The following CCDC102A variants were observed in gnomAD, a reference collection of about 807,000 sequenced individuals.
CCDC102A encodes coiled-coil domain containing 102A.
In CCDC102A, 40 loss-of-function variants were observed where a neutral mutation model predicts 55.5. The ratio of observed to expected loss-of-function variants is 0.72; its 90% CI spans 0.56 to 0.94. CCDC102A has a LOEUF of 0.94. Ranked by LOEUF, CCDC102A falls within the 40% of genes least tolerant of loss-of-function variation. The pLI is 0.00. For missense variants in CCDC102A, 779 were observed against 768.6 expected (o/e 1.01, Z -0.16); for synonymous variants, 323 against 339.0 (o/e 0.95, Z 0.52).
At chr16:57,518,328 G>C (rs760220406) in intron 5 of CCDC102A, 51 bp from the exon 6 acceptor site, 16 of 1,533,008 alleles carry the variant, frequency 1.0e-5, no homozygotes, top group Non-Finnish European at 1.3e-5. Flanking sequence ...GGGCATGCAG[G>C]GCCTGAGCTG....
At chr16:57,526,417 G>A (rs982604275) in intron 2 of CCDC102A, among the ~76,000 whole-genome samples, 1 of 152,174 alleles carries the variant, frequency 6.6e-6, no homozygotes, top group East Asian at 1.9e-4. Context: ...AACCTACGGC[G>A]GGGCACCGAT....
Position 57,518,286 on chromosome 16 carries a change from G to C in CCDC102A, c.1039-9C>G, listed in dbSNP as rs1318602655. On this transcript the variant is annotated splice_polypyrimidine_tract_variant and intron_variant, in intron 5 of 8. Coordinates refer to ENST00000258214, the MANE Select transcript of CCDC102A (RefSeq NM_033212.4). ...GCCTGCAGCCGCTCCATCTGCAGCA[G>C]GGCAGGGCAGAGTGAGGACTCCCAG... 1 of 1,605,852 alleles carries C rather than the reference G, an allele frequency of 6.2e-7. No individual in the cohort carries two copies. Among genetic ancestry groups the C allele is most frequent in the East Asian group, 2.2e-5 (1 of 44,894 alleles).
chr16:57,531,225 C>T (rs770989689), intron 1 of CCDC102A, among the ~76,000 whole-genome samples: 6 of 152,018 alleles, frequency 3.9e-5, no homozygotes, highest in Non-Finnish European at 7.4e-5. Context: ...CTTGCTGCCT[C>T]CATTCCCCCC....
chr16:57,517,954 A>C (rs1410813066), intron 6 of CCDC102A, 114 bp downstream of exon 6: 1 of 1,205,320 alleles, frequency 8.3e-7, no homozygotes, highest in African/African-American at 1.5e-5. Flanking sequence ...CAAGGTGCTG[A>C]ATACATGCAG....
intron 4 of CCDC102A, 62 bp from the exon 5 acceptor site, chr16:57,518,803 C>CG: frequency 1.5e-6 from 2 of 1,328,092 alleles, no homozygotes; most frequent in Non-Finnish European, 1.1e-6. Context: ...GAACCACCTC[C>CG]GGGGGTGGGC....
At chr16:57,527,256 C>A (rs1372516770) in intron 2 of CCDC102A, among the ~76,000 whole-genome samples, 1 of 152,160 alleles carries the variant, frequency 6.6e-6, no homozygotes, top group Non-Finnish European at 1.5e-5. Context: ...GACCCTGCCC[C>A]TAGGTGGCTT....
At chr16:57,521,226 G>A in intron 3 of CCDC102A, 50 bp from the exon 4 acceptor site, 1 of 1,422,622 alleles carries the variant, frequency 7.0e-7, no homozygotes, top group Admixed American at 1.7e-5. Flanking sequence ...CCTCTGCTTG[G>A]AGTCCTCACC....
rs2031941345 is a variant in CCDC102A at position 57,515,525 on chromosome 16, C to A, written c.1420-81G>T. On this transcript the variant is annotated intron_variant, in intron 7 of 8. Coordinates refer to ENST00000258214, the MANE Select transcript of CCDC102A (RefSeq NM_033212.4). ...GGCCACCCGCCCAGGGAAAACCACT[C>A]CTGCTGTTCCCTGGGAAGGTGCTCC... The A allele has an allele frequency of 2.5e-6, 2 of 802,846 alleles. 1 individual carries two copies. The highest frequency in any genetic ancestry group is 4.0e-5 in the Admixed American group (2 of 50,098). 49.7% of individuals were successfully genotyped at this position (802,846 alleles called of 1,614,324 possible).
intron 1 of CCDC102A, among the ~76,000 whole-genome samples, chr16:57,533,143 TCTC>T (rs1476895293): frequency 6.6e-6 from 1 of 151,944 alleles, no homozygotes; most frequent in Non-Finnish European, 1.5e-5. Context: ...CTCACCTCAT[TCTC>T]CTTCCCAGCG....
At chr16:57,520,671 T>C (rs963240209) in intron 4 of CCDC102A, among the ~76,000 whole-genome samples, 7 of 151,758 alleles carry the variant, frequency 4.6e-5, no homozygotes, top group African/African-American at 1.5e-4. Flanking sequence ...CCAGGCACTG[T>C]GGCTTACACC....
chr16:57,518,624 C>A lies in CCDC102A; in HGVS notation c.1038+1G>T. 1 of 1,612,648 alleles carries A rather than the reference C, an allele frequency of 6.2e-7. No individual in the cohort carries two copies. Among genetic ancestry groups the A allele is most frequent in the East Asian group, 2.2e-5 (1 of 44,864 alleles). ...CTCCTGGGTCCCATCCATGGCCTCA[C>A]CTCGCCCCTCAGCTCGGCCATTTTC... is the stretch of plus-strand genomic sequence containing the variant. On this transcript the variant is annotated splice_donor_variant, in intron 5 of 8. Coordinates refer to ENST00000258214, the MANE Select transcript of CCDC102A (RefSeq NM_033212.4). LOFTEE classifies it high-confidence loss of function.
Position 57,528,866 on chromosome 16 carries a change from C to A in CCDC102A, c.312G>T (p.Trp104Cys). Residue 104 changes from tryptophan (W) to cysteine (C), a missense_variant, in exon 2 of 9, where the codon TGG (tryptophan) becomes TGT (cysteine). Trp to Cys is a radical substitution (Grantham distance 215). Transcript: ENST00000258214. ...CGCGCACCTTGCTCCATTTCTCGCGCCAATTGGCAGTGCAGTCCGACCACC... is the reference window on the plus strand; with the variant it reads ...CGCGCACCTTGCTCCATTTCTCGCGACAATTGGCAGTGCAGTCCGACCACC... ...MRRWSDCTAN[W>C]REKWSKVRAE... 1.5e-6 allele frequency: 2 copies of A among 1,361,534 alleles called. No individual in the cohort carries two copies. Among genetic ancestry groups the A allele is most frequent in the Non-Finnish European group, 9.5e-7 (1 of 1,049,496 alleles). The allele number at this position is 1,361,534 out of a possible 1,614,324, so 84.3% of individuals were successfully genotyped here. A position where few individuals can be genotyped will look rare whatever the true frequency, so the allele number is the denominator to read the frequency against.
At chr16:57,534,120 G>A (rs2032327162) in intron 1 of CCDC102A, among the ~76,000 whole-genome samples, 1 of 152,142 alleles carries the variant, frequency 6.6e-6, no homozygotes, top group Non-Finnish European at 1.5e-5. Flanking sequence ...TTCAAGTTCA[G>A]CTGCCACCAA....
At chr16:57,535,149 G>A (rs1160745676) in intron 1 of CCDC102A, among the ~76,000 whole-genome samples, 1 of 152,236 alleles carries the variant, frequency 6.6e-6, no homozygotes, top group East Asian at 1.9e-4. Context: ...GATTGAATAA[G>A]TGCAGGGCCC....
chr16:57,514,602 G>C (rs1206823876), intron 8 of CCDC102A, among the ~76,000 whole-genome samples: 1 of 152,206 alleles, frequency 6.6e-6, no homozygotes, highest in Non-Finnish European at 1.5e-5. Context: ...GACACAGAGA[G>C]GTTAAATAAA....
At position 57,516,634 on chromosome 16, in the gene CCDC102A, G is replaced by A; in HGVS notation, c.1249-171C>T. 1.6e-6 allele frequency: 1 copy of A among 637,636 alleles called. No individual in the cohort carries two copies. Among genetic ancestry groups the A allele is most frequent in the South Asian group, 1.9e-5 (1 of 52,584 alleles). The allele number at this position is 637,636 out of a possible 1,614,324, so 39.5% of individuals were successfully genotyped here. ...TCAGCAGTAGAGGTTTGGCTGAGCA[G>A]CCAGAGGCTGGAGGTGCCTTCCAGG... On this transcript the variant is annotated intron_variant, in intron 6 of 8. Coordinates refer to ENST00000258214, the MANE Select transcript of CCDC102A (RefSeq NM_033212.4). The surrounding 1 kb of genome is among the most constrained non-coding windows in gnomAD (Gnocchi z 4.4).
In CCDC102A at chr16:57,528,745, C is replaced by G; in HGVS notation, c.433G>C (p.Glu145Gln). The stretch of plus-strand genomic sequence containing the variant: ...CGTGCCTCGCACTCGCCCTGCGCCT[C>G]TTGGCGCTCGCGCCGTGCGCCCGCC... ...ELAGARRERQ[E>Q]AQGECEARGR... Residue 145 changes from glutamate to glutamine, a missense_variant, in exon 2 of 9, where the codon GAG (glutamate) becomes CAG (glutamine). Glu to Gln is a conservative substitution (Grantham distance 29, BLOSUM62 2). Transcript: ENST00000258214. 8.5e-7 allele frequency: 1 copy of G among 1,175,114 alleles called. No individual in the cohort carries two copies. The highest frequency in any genetic ancestry group is 1.1e-6 in the Non-Finnish European group (1 of 943,246). The allele number at this position is 1,175,114 out of a possible 1,614,324, so 72.8% of individuals were successfully genotyped here.
At chr16:57,527,451 C>T (rs1392876464) in intron 2 of CCDC102A, among the ~76,000 whole-genome samples, 1 of 143,904 alleles carries the variant, frequency 6.9e-6, no homozygotes. Flanking sequence ...TGGAGATTCA[C>T]TCTCGTTGCC....
rs757712416 is a variant in CCDC102A, at chr16:57,518,132, TGCC to T, written c.1181_1183del (p.Arg394del). The T allele has an allele frequency of 1.1e-5, 17 of 1,609,994 alleles. No homozygotes were observed. The highest frequency in any genetic ancestry group is 8.5e-6 in the Non-Finnish European group (10 of 1,179,674). On this transcript the variant is annotated inframe_deletion, in exon 6 of 9. Coordinates refer to ENST00000258214, the MANE Select transcript of CCDC102A (RefSeq NM_033212.4). ...GTCGCAGTCCAGTGCGCTGGCTGTT[TGCC>T]GCCGCCGCCGGGCCAGCGCCTCCTC...
Sources: gnomAD v4.1 joint callset for allele counts (sites outside exome capture counted in the v4.1 genomes callset) on GRCh38, gnomAD v4.1.1 for gene constraint, Gnocchi (gnomAD v3.1) non-coding constraint, MANE v1.5 for transcripts, NCBI Gene and HGNC (gene_info 2026-07-23, HGNC 2026-07-21) for gene names.